MAGI3: variants seen among roughly 807,000 people sequenced by gnomAD.
The protein encoded by MAGI3 is membrane associated guanylate kinase, WW and PDZ domain containing 3.
In MAGI3, 43 loss-of-function variants were observed where a neutral mutation model predicts 121.8. That is an observed-to-expected ratio of 0.35 (90% confidence interval 0.28 to 0.46). The LOEUF is 0.46. MAGI3 is among the 20% of genes least tolerant of loss of function. The pLI is 1.00. For synonymous variants in MAGI3, 553 were observed against 639.3 expected, an observed-to-expected ratio of 0.86 and a Z score of 2.04; for missense variants, 1,547 against 1,797.3, an observed-to-expected ratio of 0.86 and a Z score of 2.52.
chr1:113,622,315 C>A (rs893179679), intron 8 of MAGI3, among the ~76,000 whole-genome samples: 5 of 147,526 alleles, frequency 3.4e-5, no homozygotes, highest in Non-Finnish European at 6.0e-5. Flanking sequence ...GTCATCTAAC[C>A]CCTAATAATG....
chr1:113,649,665 A>G (rs74537093), intron 13 of MAGI3, among the ~76,000 whole-genome samples: 3,111 of 152,312 alleles, frequency 0.02, 46 homozygotes, highest in Middle Eastern at 0.041. Flanking sequence ...TAAGAAGCCT[A>G]TAATCCCATG....
intron 3 of MAGI3, among the ~76,000 whole-genome samples, chr1:113,582,224 G>A (rs1054343542): frequency 6.6e-6 from 1 of 152,052 alleles, no homozygotes; most frequent in Non-Finnish European, 1.5e-5. Flanking sequence ...GAGCATCGTG[G>A]CAGTAGCTGG....
intron 2 of MAGI3, among the ~76,000 whole-genome samples, chr1:113,561,258 C>A (rs1392306985): frequency 6.6e-6 from 1 of 152,160 alleles, no homozygotes; most frequent in African/African-American, 2.4e-5. Context: ...CCTCCCTAAC[C>A]ATTTTATGAG....
intron 1 of MAGI3, among the ~76,000 whole-genome samples, chr1:113,466,661 T>C (rs749940808): frequency 6.6e-6 from 1 of 150,824 alleles, no homozygotes; most frequent in Non-Finnish European, 1.5e-5. Context: ...TTACTTGTTA[T>C]TGGTTTGTTG....
chr1:113,522,084 G>C (rs564544539), intron 1 of MAGI3, among the ~76,000 whole-genome samples: 2 of 151,910 alleles, frequency 1.3e-5, no homozygotes, highest in Admixed American at 6.6e-5. Context: ...ACACTAACAC[G>C]TGTATTTTTT....
intron 14 of MAGI3, among the ~76,000 whole-genome samples, chr1:113,652,015 A>G (rs1002069520): frequency 1.3e-5 from 2 of 152,156 alleles, no homozygotes; most frequent in South Asian, 2.1e-4. Flanking sequence ...TCACAACACT[A>G]TGAGGTCATT....
chr1:113,577,441 T>C (rs550537032), intron 2 of MAGI3, among the ~76,000 whole-genome samples: 1 of 152,090 alleles, frequency 6.6e-6, no homozygotes, highest in African/African-American at 2.4e-5. Flanking sequence ...CGGAGCAATT[T>C]TTATGTATAA....
intron 4 of MAGI3, among the ~76,000 whole-genome samples, chr1:113,588,361 T>A (rs989368524): frequency 7.2e-5 from 11 of 152,138 alleles, no homozygotes; most frequent in African/African-American, 2.4e-4. Flanking sequence ...TTCTATGTGG[T>A]TGGAGCAGAG....
intron 1 of MAGI3, among the ~76,000 whole-genome samples, chr1:113,505,137 G>C (rs1324217901): frequency 6.6e-6 from 1 of 152,108 alleles, no homozygotes; most frequent in Non-Finnish European, 1.5e-5. Context: ...AAGGAAAAGG[G>C]AGGTAGGCCC....
intron 16 of MAGI3, among the ~76,000 whole-genome samples, chr1:113,663,235 AAT>A (rs3081634): frequency 2.2e-4 from 32 of 143,974 alleles, no homozygotes; most frequent in Admixed American, 3.4e-4. Context: ...CAAAAACAGA[AAT>A]ATATATATAT....
intron 1 of MAGI3, among the ~76,000 whole-genome samples, chr1:113,425,871 GC>G (rs1209872673): frequency 1.3e-5 from 2 of 151,960 alleles, no homozygotes; most frequent in African/African-American, 4.8e-5. Flanking sequence ...CAAAGAACCA[GC>G]TTTTTGTTTA....
chr1:113,619,614 C>A, intron 7 of MAGI3, 122 bp from the exon 8 acceptor site: 1 of 652,982 alleles, frequency 1.5e-6, no homozygotes, highest in Non-Finnish European at 2.6e-6. Context: ...TCTCCATGTT[C>A]CATAGCCTAA....
chr1:113,643,886 G>A, intron 11 of MAGI3, 112 bp downstream of exon 11: 1 of 1,140,434 alleles, frequency 8.8e-7, no homozygotes. Flanking sequence ...GGAGAAGTTA[G>A]GAGGCATGCT....
chr1:113,660,810 C>T (rs947314983), intron 16 of MAGI3, among the ~76,000 whole-genome samples: 2 of 133,214 alleles, frequency 1.5e-5, no homozygotes, highest in African/African-American at 3.0e-5. Flanking sequence ...CACTGTGTTG[C>T]GTAGTCTGGT....
At chr1:113,451,948 T>C (rs1488284240) in intron 1 of MAGI3, among the ~76,000 whole-genome samples, 1 of 152,214 alleles carries the variant, frequency 6.6e-6, no homozygotes, top group Non-Finnish European at 1.5e-5. Flanking sequence ...AATAAACGTT[T>C]CTTCACAATT....
At chr1:113,647,540 C>G (rs901485937) in intron 12 of MAGI3, among the ~76,000 whole-genome samples, 1 of 152,074 alleles carries the variant, frequency 6.6e-6, no homozygotes, top group Non-Finnish European at 1.5e-5. Context: ...ATGCATGTTC[C>G]TACTAATTCA....
intron 2 of MAGI3, among the ~76,000 whole-genome samples, chr1:113,575,280 G>T (rs1465806479): frequency 6.6e-6 from 1 of 152,094 alleles, no homozygotes; most frequent in African/African-American, 2.4e-5. Flanking sequence ...TCTGGTTTTT[G>T]GAATTTTCAG....
At chr1:113,426,950 C>T (rs1167631952) in intron 1 of MAGI3, among the ~76,000 whole-genome samples, 2 of 151,550 alleles carry the variant, frequency 1.3e-5, no homozygotes, top group African/African-American at 4.9e-5. Flanking sequence ...ATATCTGTAT[C>T]TATCTATATA....
intron 1 of MAGI3, among the ~76,000 whole-genome samples, chr1:113,534,189 A>G (rs1658859511): frequency 6.6e-6 from 1 of 152,146 alleles, no homozygotes. Context: ...GTTTGTGGCT[A>G]AATTTATCCT....
Sources: allele counts gnomAD v4.1 joint callset (sites outside exome capture counted in the v4.1 genomes callset), GRCh38; gene constraint gnomAD v4.1.1; transcripts MANE v1.5; gene names NCBI Gene and HGNC (gene_info 2026-07-23, HGNC 2026-07-21).